NEB: variants seen among roughly 807,000 people sequenced by gnomAD.
The protein encoded by NEB is nebulin.
Under a neutral mutation model 952.2 loss-of-function variants are expected in NEB, and 512 were observed. The observed-to-expected ratio is 0.54, with a 90% CI of 0.50 to 0.58. The LOEUF (loss-of-function observed/expected upper bound fraction) is 0.58. Among genes scored for constraint, NEB ranks in the 20% least tolerant of loss-of-function variants. The probability of loss-of-function intolerance (pLI) is 0.00; values close to 1 mark genes in which losing one functional copy is unlikely to be tolerated. For missense variants in NEB, 8,428 were observed against 9,231.1 expected, an observed-to-expected ratio of 0.91 and a Z score of 3.56; for synonymous variants, 2,900 against 3,149.8, an observed-to-expected ratio of 0.92 and a Z score of 2.66.
Position 151,570,338 on chromosome 2 carries a change from T to C in NEB, c.17173A>G (p.Thr5725Ala). The C allele has an allele frequency of 6.2e-7, 1 of 1,604,722 alleles. No homozygotes were observed. Among genetic ancestry groups the C allele is most frequent in the Non-Finnish European group, 8.5e-7 (1 of 1,173,730 alleles). ...KQKGHYVGTL[T>A]ARDDNKIRWA... ...CGGATCTTGTTGTCATCCCTGGCTG[T>C]GAGGGTGCCCACGTAGTGTCCCTTC... is the stretch of plus-strand genomic sequence containing the variant. The change falls in exon 109 of 182, where the codon ACA becomes GCA. Residue 5725 changes from threonine to alanine, a missense_variant. Physicochemically the swap from Thr to Ala is moderately conservative, Grantham distance 58. Around this residue, in one of 11 missense-constraint regions of NEB, gnomAD observed 3,374 missense variants for 3,651.5 expected, o/e 0.92. Transcript: ENST00000397345.
intron 172 of NEB, 47 bp downstream of exon 172, chr2:151,496,894 A>T: frequency 6.8e-7 from 1 of 1,479,832 alleles, no homozygotes; most frequent in Non-Finnish European, 9.2e-7. Context: ...ATCATGAAAT[A>T]GTTTTTAAAA....
At chr2:151,526,312 C>T (rs763013090) in intron 148 of NEB, 50 bp from the exon 149 acceptor site, 1 of 1,256,140 alleles carries the variant, frequency 8.0e-7, no homozygotes, top group East Asian at 2.5e-5. Context: ...GGATATCCTA[C>T]ATATTTTTAT....
At chr2:151,699,018 C>T (rs1420280546) in intron 13 of NEB, among the ~76,000 whole-genome samples, 1 of 129,528 alleles carries the variant, frequency 7.7e-6, no homozygotes, top group South Asian at 2.9e-4. Flanking sequence ...ATCCCTCCCC[C>T]CTCCCCACCA....
In NEB at chr2:151,552,715, G is replaced by A. The variant is rs2095412997; in HGVS notation, c.19793C>T (p.Pro6598Leu). 2 of 1,613,222 alleles carry A rather than the reference G, an allele frequency of 1.2e-6. No homozygotes were observed. Among genetic ancestry groups the A allele is most frequent in the Non-Finnish European group, 1.7e-6 (2 of 1,179,554 alleles). ...RNDYKLVTDT[P>L]VYVQAVKSGK... ...ACTTTTGACAGCCTGCACGTAGACT[G>A]GTGTATCTGTGACAAGCTTGTAGTC... Residue 6598 changes from proline to leucine, a missense_variant, in exon 128 of 182, where the codon CCA becomes CTA. Physicochemically the swap from Pro to Leu is moderately conservative, Grantham distance 98. Coordinates refer to ENST00000397345, the MANE Select transcript of NEB (RefSeq NM_001164508.2).
rs1451057843 is a variant in NEB, at chr2:151,533,554, T to C, written c.21313-8A>G. On this transcript the variant is annotated splice_region_variant and splice_polypyrimidine_tract_variant and intron_variant, in intron 142 of 181. Transcript: ENST00000397345. ...ACTAGATTTATATTTTCTCTGTCCA[T>C]GCAAAGAGCAGTGAAGCACAAAAGA... The C allele has an allele frequency of 1.3e-6, 2 of 1,532,208 alleles. No homozygotes were observed. Among genetic ancestry groups the C allele is most frequent in the East Asian group, 2.4e-5 (1 of 40,830 alleles). 94.9% of individuals were successfully genotyped at this position (1,532,208 alleles called of 1,614,324 possible). A position where few individuals can be genotyped will look rare whatever the true frequency, so the allele number is the denominator to read the frequency against.
At chr2:151,529,659 T>TG (rs1215279105) in intron 145 of NEB, among the ~76,000 whole-genome samples, 6 of 152,058 alleles carry the variant, frequency 3.9e-5, no homozygotes, top group Non-Finnish European at 7.4e-5. Context: ...GCCTCCTGAG[T>TG]ACCTGGGACC....
Position 151,615,993 on chromosome 2 carries a change from T to A in NEB, c.11289+9A>T, listed in dbSNP as rs758976471. On this transcript the variant is annotated intron_variant, in intron 76 of 181. Transcript: ENST00000397345. ...AATAAGAAATGGCTTTTCCAAAACA[T>A]CCACTTACATCACTAGCAATATCTC... The A allele has an allele frequency of 6.3e-7, 1 of 1,593,374 alleles. No individual in the cohort carries two copies. Among genetic ancestry groups the A allele is most frequent in the Non-Finnish European group, 8.6e-7 (1 of 1,166,730 alleles).
intron 107 of NEB, among the ~76,000 whole-genome samples, chr2:151,573,531 G>A (rs745778403): frequency 6.6e-6 from 1 of 152,156 alleles, no homozygotes; most frequent in Non-Finnish European, 1.5e-5. Flanking sequence ...AAATACATCA[G>A]CGCCCTAAAA....
intron 107 of NEB, among the ~76,000 whole-genome samples, chr2:151,575,314 G>T (rs954942211): frequency 6.6e-6 from 1 of 152,028 alleles, no homozygotes; most frequent in Non-Finnish European, 1.5e-5. Flanking sequence ...ACCCCCCGAG[G>T]TCCATGTTTT....
intron 107 of NEB, among the ~76,000 whole-genome samples, chr2:151,572,206 C>T (rs2096653439): frequency 6.6e-6 from 1 of 151,990 alleles, no homozygotes; most frequent in African/African-American, 2.4e-5. Context: ...CCTGTAATCC[C>T]AGCTACTAGA....
chr2:151,562,050 G>T, intron 121 of NEB, 60 bp downstream of exon 121: 1 of 1,374,472 alleles, frequency 7.3e-7, no homozygotes, highest in South Asian at 1.2e-5. Context: ...TCAGCCCACT[G>T]ACACCACCAT....
intron 145 of NEB, 110 bp downstream of exon 145, chr2:151,530,884 A>G (rs1211223298): frequency 2.8e-5 from 19 of 669,598 alleles, no homozygotes; most frequent in South Asian, 2.1e-5. Flanking sequence ...TTAAGCCACT[A>G]AGTTTTAGGG....
Position 151,569,306 on chromosome 2 carries a change from C to T in NEB, c.17497G>A (p.Val5833Ile), listed in dbSNP as rs149881695. 2.8e-3 allele frequency: 4,550 copies of T among 1,613,846 alleles called. 18 individuals are homozygous for T. Among genetic ancestry groups the T allele is most frequent in the South Asian group, 5.9e-3 (537 of 91,080 alleles). ...IGWMPNDSVS[V>I]NHAKHAADIF... ...TCCGCGGCATGTTTGGCATGATTGA[C>T]GGACACGGAGTCATTTGGCATCCAC... is the stretch of plus-strand genomic sequence containing the variant. Residue 5833 changes from valine (V) to isoleucine (I), a missense_variant, in exon 110 of 182, where the codon GTC (valine) becomes ATC (isoleucine). Val to Ile is a conservative substitution (Grantham distance 29, BLOSUM62 3). Transcript: ENST00000397345.
Position 151,553,826 on chromosome 2 carries a change from A to C in NEB, c.19626+2T>G. The C allele has an allele frequency of 6.2e-7, 1 of 1,606,484 alleles. No homozygotes were observed. The highest frequency in any genetic ancestry group is 1.3e-5 in the African/African-American group (1 of 74,958). On this transcript the variant is annotated splice_donor_variant, in intron 126 of 181. Transcript: ENST00000397345. LOFTEE classifies it high-confidence loss of function. ...GGGGTACTTCTTAAGTCACAGGCTTACATCGCTGATCTGATCTGTGACTTT... is the reference window on the plus strand; with the variant it reads ...GGGGTACTTCTTAAGTCACAGGCTTCCATCGCTGATCTGATCTGTGACTTT...
At chr2:151,511,299 G>C (rs2074076906) in intron 161 of NEB, among the ~76,000 whole-genome samples, 1 of 152,156 alleles carries the variant, frequency 6.6e-6, no homozygotes, top group Admixed American at 6.5e-5. Flanking sequence ...TCAAAGAAAA[G>C]AAACATTTCC....
At chr2:151,671,463 TA>T (rs760103247) in intron 37 of NEB, 38 of 449,154 alleles carry the variant, frequency 8.5e-5, no homozygotes, top group Non-Finnish European at 1.0e-4. Context: ...TGGGTACTGC[TA>T]AAAAAAATTT....
intron 181 of NEB, among the ~76,000 whole-genome samples, chr2:151,487,478 A>G (rs1397923741): frequency 6.6e-6 from 1 of 152,192 alleles, no homozygotes; most frequent in Non-Finnish European, 1.5e-5. Flanking sequence ...TATAAATAAT[A>G]CTGTGATTTG....
chr2:151,630,375 T>G (rs1268776079), intron 67 of NEB, among the ~76,000 whole-genome samples: 1 of 152,334 alleles, frequency 6.6e-6, no homozygotes, highest in East Asian at 1.9e-4. Flanking sequence ...TGCAGTGATT[T>G]ACTGATGTAT....
chr2:151,677,706 G>A lies in NEB; in HGVS notation c.3633C>T (p.Leu1211=), dbSNP rs766661319. The A allele has an allele frequency of 3.7e-5, 60 of 1,613,770 alleles. No homozygotes were observed. Among genetic ancestry groups the A allele is most frequent in the South Asian group, 6.6e-5 (6 of 91,080 alleles). The change falls in exon 34 of 182, where the codon CTC becomes CTT. Residue 1211 remains leucine (L), a synonymous_variant. Transcript: ENST00000397345. ...KGIGWIPIGS[L]DVEKVKKAGD... Reference sequence around the variant, plus strand: ...CGGCCTTTTTAACTTTTTCGACGTCGAGACTGCCAATAGGAATCCAGCCAA... The same window carrying A: ...CGGCCTTTTTAACTTTTTCGACGTCAAGACTGCCAATAGGAATCCAGCCAA...
Sources: gnomAD v4.1 joint callset for allele counts (sites outside exome capture counted in the v4.1 genomes callset) on GRCh38, gnomAD v4.1.1 for gene constraint, gnomAD v4.1.1 regional missense constraint, MANE v1.5 for transcripts, NCBI Gene and HGNC (gene_info 2026-07-23, HGNC 2026-07-21) for gene names.